Variants in MECOM observed in about 807,000 individuals in gnomAD.
MECOM encodes the protein histone-lysine N-methyltransferase MECOM.
A neutral mutation model predicts 116.3 loss-of-function variants in MECOM; 13 were observed. The ratio of observed to expected loss-of-function variants is 0.11; its 90% CI spans 0.07 to 0.18. The LOEUF (loss-of-function observed/expected upper bound fraction) is 0.18, where lower values mean the gene tolerates loss of function less well. Among genes scored for constraint, MECOM ranks in the 10% least tolerant of loss-of-function variants. The pLI is 1.00. For missense variants in MECOM, 1,299 were observed against 1,509.0 expected, an observed-to-expected ratio of 0.86 and a Z score of 2.31; for synonymous variants, 528 against 535.2, an observed-to-expected ratio of 0.99 and a Z score of 0.19.
intron 1 of MECOM, among the ~76,000 whole-genome samples, chr3:169,579,483 T>A (rs1170242316): frequency 6.6e-6 from 1 of 152,108 alleles, no homozygotes; most frequent in African/African-American, 2.4e-5. Flanking sequence ...GAGCGCTATC[T>A]CTCTAGCCCT....
intron 1 of MECOM, among the ~76,000 whole-genome samples, chr3:169,576,559 A>T (rs1263979016): frequency 6.6e-6 from 1 of 152,188 alleles, no homozygotes; most frequent in Non-Finnish European, 1.5e-5. Flanking sequence ...TTCTGCAACA[A>T]TGAATTCTCT....
chr3:169,431,138 T>A (rs1639829949), intron 1 of MECOM, among the ~76,000 whole-genome samples: 1 of 152,158 alleles, frequency 6.6e-6, no homozygotes, highest in Admixed American at 6.5e-5. Context: ...AATAAAAAGA[T>A]AAGATTTGTC....
intron 2 of MECOM, among the ~76,000 whole-genome samples, chr3:169,233,165 AGCCTGGAACT>A (rs1753625033): frequency 6.6e-6 from 1 of 152,160 alleles, no homozygotes; most frequent in South Asian, 2.1e-4. Context: ...ATTGTGGGGC[AGCCTGGAACT>A]GCCTTTGAAG....
chr3:169,442,545 C>T (rs1392736821), intron 1 of MECOM, among the ~76,000 whole-genome samples: 2 of 152,178 alleles, frequency 1.3e-5, no homozygotes, highest in Non-Finnish European at 2.9e-5. Flanking sequence ...AATGTAATCT[C>T]TTCCATGCCA....
At chr3:169,562,139 C>CAAAAAAAAAAAAAAAAAAAAAAAAAAAA (rs10714325) in intron 1 of MECOM, among the ~76,000 whole-genome samples, 1 of 25,282 alleles carries the variant, frequency 4.0e-5, no homozygotes, top group African/African-American at 1.4e-4. Flanking sequence ...GAGCAATACT[C>CAAAAAAAAAAAAAAAAAAAAAAAAAAAA]AAAAAAAAAA....
At chr3:169,280,316 T>C (rs539341180) in intron 2 of MECOM, among the ~76,000 whole-genome samples, 6 of 152,318 alleles carry the variant, frequency 3.9e-5, no homozygotes, top group South Asian at 2.1e-4. Flanking sequence ...TATCCAAGCC[T>C]ACTTATTTTA....
chr3:169,620,048 T>C (rs1011059982), intron 1 of MECOM, among the ~76,000 whole-genome samples: 3 of 152,214 alleles, frequency 2.0e-5, no homozygotes, highest in Non-Finnish European at 4.4e-5. Context: ...TGCTTTGTTT[T>C]TCATAATAGC....
At chr3:169,447,738 G>C (rs1037288345) in intron 1 of MECOM, 19 of 152,232 alleles carry the variant, frequency 1.2e-4, no homozygotes, top group African/African-American at 4.3e-4. Flanking sequence ...GGAAAGACTG[G>C]AAAGGCTACA....
At chr3:169,228,095 A>C (rs1247460649) in intron 2 of MECOM, among the ~76,000 whole-genome samples, 1 of 152,210 alleles carries the variant, frequency 6.6e-6, no homozygotes, top group Non-Finnish European at 1.5e-5. Flanking sequence ...AGTAGCTACA[A>C]GCAATCTGAT....
chr3:169,481,687 T>C (rs1387112976), intron 1 of MECOM, among the ~76,000 whole-genome samples: 1 of 147,364 alleles, frequency 6.8e-6, no homozygotes, highest in Admixed American at 6.8e-5. Flanking sequence ...TGTGTGTGTG[T>C]CCTCAACACA....
chr3:169,374,703 G>A (rs1428372959), intron 2 of MECOM, among the ~76,000 whole-genome samples: 1 of 151,826 alleles, frequency 6.6e-6, no homozygotes, highest in African/African-American at 2.4e-5. Flanking sequence ...ACCTTTCTTG[G>A]TGGGACAAAA....
chr3:169,307,259 C>T (rs1448116128), intron 2 of MECOM, among the ~76,000 whole-genome samples: 1 of 152,186 alleles, frequency 6.6e-6, no homozygotes, highest in African/African-American at 2.4e-5. Flanking sequence ...GCTGCATCAT[C>T]ACCTCCCTAG....
chr3:169,583,223 T>C (rs147369575), intron 1 of MECOM, among the ~76,000 whole-genome samples: 14 of 152,332 alleles, frequency 9.2e-5, no homozygotes, highest in African/African-American at 3.1e-4. Flanking sequence ...GGCAGAGTAG[T>C]AATACTCTCT....
At chr3:169,255,087 A>C (rs930870696) in intron 2 of MECOM, among the ~76,000 whole-genome samples, 1 of 152,226 alleles carries the variant, frequency 6.6e-6, no homozygotes, top group African/African-American at 2.4e-5. Flanking sequence ...CTTCAGGTTT[A>C]GATAATTTGC....
At chr3:169,518,742 AG>A (rs1560384191) in intron 1 of MECOM, among the ~76,000 whole-genome samples, 2 of 152,162 alleles carry the variant, frequency 1.3e-5, no homozygotes, top group African/African-American at 2.4e-5. Flanking sequence ...GTGTCATGGG[AG>A]GAACCTTATG....
chr3:169,276,492 G>T (rs770477318), intron 2 of MECOM, among the ~76,000 whole-genome samples: 8 of 148,616 alleles, frequency 5.4e-5, no homozygotes, highest in African/African-American at 2.0e-4. Flanking sequence ...GGCAGAGGTT[G>T]CAGTGAGCTG....
intron 1 of MECOM, among the ~76,000 whole-genome samples, chr3:169,389,242 G>A (rs1477545747): frequency 6.6e-6 from 1 of 152,150 alleles, no homozygotes; most frequent in Non-Finnish European, 1.5e-5. Context: ...TTTGTCAAAA[G>A]GTAATGGAAA....
At chr3:169,158,377 TACAA>T (rs1742324412) in intron 2 of MECOM, among the ~76,000 whole-genome samples, 1 of 152,106 alleles carries the variant, frequency 6.6e-6, no homozygotes, top group Admixed American at 6.5e-5. Flanking sequence ...TTACAACTAT[TACAA>T]ACAGAGGGAA....
At chr3:169,529,805 T>C (rs1758379497) in intron 1 of MECOM, among the ~76,000 whole-genome samples, 1 of 152,112 alleles carries the variant, frequency 6.6e-6, no homozygotes, top group Admixed American at 6.6e-5. Flanking sequence ...GCACCCAAGT[T>C]CCTCTGGGAC....
Sources: gnomAD v4.1 joint callset for allele counts (sites outside exome capture counted in the v4.1 genomes callset) on GRCh38, gnomAD v4.1.1 for gene constraint, MANE v1.5 for transcripts, NCBI Gene and HGNC (gene_info 2026-07-23, HGNC 2026-07-21) for gene names.